The following UBTD1 variants were observed in gnomAD, a reference collection of about 807,000 sequenced individuals.
UBTD1 encodes the protein ubiquitin domain containing 1, also known as ubiquitin domain-containing protein 1.
UBTD1 carries 19 observed loss-of-function variants against 21.7 expected under a neutral mutation model. That is an observed-to-expected ratio of 0.87 (90% CI 0.61 to 1.28). UBTD1 has a LOEUF of 1.28. Ranked by LOEUF, UBTD1 falls within the 50% of genes most tolerant of loss-of-function variation. The probability of loss-of-function intolerance (pLI) is 0.00; values close to 1 mark genes in which losing one functional copy is unlikely to be tolerated. For synonymous variants in UBTD1, 116 were observed against 135.1 expected (o/e 0.86, Z 0.98); for missense variants, 282 against 315.1 (o/e 0.89, Z 0.80).
At chr10:97,506,053 T>G (rs2040398235) in intron 1 of UBTD1, among the ~76,000 whole-genome samples, 1 of 152,134 alleles carries the variant, frequency 6.6e-6, no homozygotes, top group Admixed American at 6.6e-5. Context: ...CATACCGGTG[T>G]GTACAGAGCG....
intron 1 of UBTD1, among the ~76,000 whole-genome samples, chr10:97,530,228 A>G (rs1272290409): frequency 6.6e-6 from 1 of 152,236 alleles, no homozygotes; most frequent in Non-Finnish European, 1.5e-5. Context: ...GAATGAATGG[A>G]TGGATGAATC....
chr10:97,535,869 G>A, intron 1 of UBTD1, among the ~76,000 whole-genome samples: 1 of 151,766 alleles, frequency 6.6e-6, no homozygotes, highest in East Asian at 1.9e-4. Flanking sequence ...AGTGAGCCAT[G>A]ACCGCACTAC....
At chr10:97,506,285 T>C (rs1448196142) in intron 1 of UBTD1, among the ~76,000 whole-genome samples, 1 of 152,176 alleles carries the variant, frequency 6.6e-6, no homozygotes, top group Non-Finnish European at 1.5e-5. Flanking sequence ...GAAGAGCCAG[T>C]CCTACCCGGT....
At chr10:97,535,873 G>A (rs917736773) in intron 1 of UBTD1, among the ~76,000 whole-genome samples, 1 of 151,500 alleles carries the variant, frequency 6.6e-6, no homozygotes, top group Non-Finnish European at 1.5e-5. Flanking sequence ...AGCCATGACC[G>A]CACTACTGCA....
At chr10:97,504,647 G>A (rs1292823611) in intron 1 of UBTD1, among the ~76,000 whole-genome samples, 1 of 152,198 alleles carries the variant, frequency 6.6e-6, no homozygotes, top group Non-Finnish European at 1.5e-5. Flanking sequence ...TGTTGTCAGA[G>A]ATTTTTATTT....
In UBTD1 at chr10:97,570,198, T is replaced by G. The variant is rs771497904; in HGVS notation, c.359T>G (p.Leu120Arg). 3.7e-6 allele frequency: 6 copies of G among 1,613,130 alleles called. No individual in the cohort carries two copies. Among genetic ancestry groups the G allele is most frequent in the Middle Eastern group, 3.3e-4 (2 of 6,062 alleles). Residue 120 changes from leucine (L) to arginine (R), a missense_variant, in exon 3 of 3, where the codon CTG becomes CGG. By Grantham distance (102) the Leu-to-Arg change is moderately radical (BLOSUM62 -2). Transcript: ENST00000370664. The surrounding 1 kb of genome is among the most constrained non-coding windows in gnomAD (Gnocchi z 6.6). ...GNRYQLPIYC[L>R]SPPVNLLLEH... ...CGCTACCAGCTGCCCATCTACTGCC[T>G]GTCACCGCCGGTGAACCTGCTGCTG...
intron 1 of UBTD1, among the ~76,000 whole-genome samples, chr10:97,505,600 C>A (rs1431677080): frequency 1.3e-5 from 2 of 152,234 alleles, no homozygotes; most frequent in Non-Finnish European, 2.9e-5. Context: ...GAGGTCCCAA[C>A]ACAGAGTTTC....
chr10:97,532,704 C>G (rs748975323), intron 1 of UBTD1, among the ~76,000 whole-genome samples: 2 of 152,014 alleles, frequency 1.3e-5, no homozygotes, highest in Non-Finnish European at 2.9e-5. Context: ...GCAGGAGAAT[C>G]GCTTGAGTCC....
chr10:97,512,600 C>T (rs2040427534), intron 1 of UBTD1, among the ~76,000 whole-genome samples: 1 of 152,230 alleles, frequency 6.6e-6, no homozygotes, highest in African/African-American at 2.4e-5. Flanking sequence ...TCTTCAGGGT[C>T]AGTAGGCAAA....
chr10:97,509,850 A>C (rs1223042884), intron 1 of UBTD1, among the ~76,000 whole-genome samples: 1 of 151,658 alleles, frequency 6.6e-6, no homozygotes, highest in Non-Finnish European at 1.5e-5. Context: ...ACGGGGTTTC[A>C]CCATGTTGGC....
chr10:97,528,584 C>A (rs1230064012), intron 1 of UBTD1, among the ~76,000 whole-genome samples: 1 of 85,502 alleles, frequency 1.2e-5, no homozygotes, highest in Non-Finnish European at 2.7e-5. Flanking sequence ...CTCACCCCCC[C>A]ACCTCCCTCC....
At chr10:97,531,633 A>T (rs999407729) in intron 1 of UBTD1, among the ~76,000 whole-genome samples, 2 of 152,240 alleles carry the variant, frequency 1.3e-5, no homozygotes, top group Non-Finnish European at 2.9e-5. Flanking sequence ...TCACTGGGTC[A>T]TGGAGCCAGT....
chr10:97,528,560 C>T (rs558053626), intron 1 of UBTD1, among the ~76,000 whole-genome samples: 3,452 of 42,242 alleles, frequency 0.082, 990 homozygotes, highest in South Asian at 0.13. Flanking sequence ...CGGGGCGGCT[C>T]GCCTGGCGGG....
intron 1 of UBTD1, among the ~76,000 whole-genome samples, chr10:97,546,999 C>A (rs1168470469): frequency 6.6e-6 from 1 of 152,134 alleles, no homozygotes; most frequent in Admixed American, 6.5e-5. Flanking sequence ...GCCTTGGTTT[C>A]CTTGTCTGTA....
chr10:97,544,400 G>A (rs1320102106), intron 1 of UBTD1, among the ~76,000 whole-genome samples: 1 of 151,992 alleles, frequency 6.6e-6, no homozygotes, highest in Non-Finnish European at 1.5e-5. Context: ...GACTTGTTCT[G>A]TGTTATTCCA....
intron 1 of UBTD1, among the ~76,000 whole-genome samples, chr10:97,553,134 G>A (rs903859013): frequency 5.3e-5 from 8 of 152,104 alleles, no homozygotes; most frequent in African/African-American, 1.2e-4. Context: ...TTTTGTTTTT[G>A]TTTTCCATTT....
chr10:97,534,589 A>G (rs886092012), intron 1 of UBTD1, among the ~76,000 whole-genome samples: 2 of 149,050 alleles, frequency 1.3e-5, no homozygotes, highest in Admixed American at 6.7e-5. Flanking sequence ...GCACACACAC[A>G]CACACACACA....
chr10:97,498,945 C>A lies in UBTD1; in HGVS notation c.-259C>A. On this transcript the variant is annotated 5_prime_UTR_variant, in exon 1 of 3. In the 5' UTR this introduces an upstream ATG that the reference lacks. Transcript: ENST00000370664. ...CCCTCTCTCCGCCCCTCCAGCGGAG[C>A]TGGTCTCCGGCCGGGCACCGTCGCG... 1 of 433,916 alleles carries A rather than the reference C, an allele frequency of 2.3e-6. No individual in the cohort carries two copies. Among genetic ancestry groups the A allele is most frequent in the Non-Finnish European group, 4.1e-6 (1 of 246,526 alleles). 26.9% of individuals were successfully genotyped at this position (433,916 alleles called of 1,614,324 possible). A position where few individuals can be genotyped will look rare whatever the true frequency, so the allele number is the denominator to read the frequency against.
intron 1 of UBTD1, among the ~76,000 whole-genome samples, chr10:97,554,773 T>C (rs1177052794): frequency 1.3e-5 from 2 of 152,162 alleles, no homozygotes; most frequent in Non-Finnish European, 2.9e-5. Context: ...AGGCTGATCG[T>C]GACCTCCTGG....
Sources: gnomAD v4.1 joint callset for allele counts (sites outside exome capture counted in the v4.1 genomes callset) on GRCh38, gnomAD v4.1.1 for gene constraint, Gnocchi (gnomAD v3.1) non-coding constraint, MANE v1.5 for transcripts, NCBI Gene and HGNC (gene_info 2026-07-23, HGNC 2026-07-21) for gene names.